Variants in TBCA observed in about 807,000 individuals in gnomAD.
TBCA encodes the protein tubulin folding cofactor A.
Under a neutral mutation model 15.8 loss-of-function variants are expected in TBCA, and 6 were observed. The ratio of observed to expected loss-of-function variants is 0.38; its 90% CI spans 0.21 to 0.75. The LOEUF (loss-of-function observed/expected upper bound fraction) is 0.75. Among genes scored for constraint, TBCA ranks in the 30% least tolerant of loss-of-function variants. The pLI, the probability that TBCA is intolerant of heterozygous loss-of-function variation, is 0.46. For synonymous variants in TBCA, 32 were observed against 42.3 expected, an observed-to-expected ratio of 0.76 and a Z score of 0.94; for missense variants, 90 against 131.2, an observed-to-expected ratio of 0.69 and a Z score of 1.53.
intron 1 of TBCA, among the ~76,000 whole-genome samples, chr5:77,718,104 T>G (rs1746444952): frequency 6.6e-6 from 1 of 152,186 alleles, no homozygotes. Flanking sequence ...CACTCCAGCC[T>G]GGGCAACAAG....
At chr5:77,749,764 T>C (rs1747273796) in intron 1 of TBCA, among the ~76,000 whole-genome samples, 1 of 152,114 alleles carries the variant, frequency 6.6e-6, no homozygotes, top group Non-Finnish European at 1.5e-5. Flanking sequence ...AACAAGGAAA[T>C]TCACAGTAGC....
At chr5:77,738,964 T>C (rs1746971892) in intron 1 of TBCA, among the ~76,000 whole-genome samples, 1 of 152,190 alleles carries the variant, frequency 6.6e-6, no homozygotes, top group Non-Finnish European at 1.5e-5. Flanking sequence ...CCATGACTCA[T>C]GAAATCAACC....
chr5:77,772,573 TA>T (rs377450713), intron 1 of TBCA, among the ~76,000 whole-genome samples: 124 of 151,904 alleles, frequency 8.2e-4, no homozygotes, highest in African/African-American at 2.9e-3. Flanking sequence ...CAAGAGACAA[TA>T]GGGGACAATA....
At chr5:77,750,680 A>G (rs1357473387) in intron 1 of TBCA, among the ~76,000 whole-genome samples, 1 of 152,248 alleles carries the variant, frequency 6.6e-6, no homozygotes, top group Non-Finnish European at 1.5e-5. Context: ...TGAACTCAAA[A>G]TATCAGAGAC....
intron 2 of TBCA, among the ~76,000 whole-genome samples, chr5:77,698,736 C>T (rs1413501342): frequency 1.3e-5 from 2 of 152,072 alleles, no homozygotes; most frequent in Non-Finnish European, 2.9e-5. Context: ...AAAACGAAAA[C>T]TGCTTCAACA....
intron 1 of TBCA, among the ~76,000 whole-genome samples, chr5:77,717,290 C>A (rs1400843368): frequency 1.3e-5 from 2 of 152,214 alleles, no homozygotes; most frequent in Non-Finnish European, 2.9e-5. Context: ...TAGTCACTAA[C>A]AGCAGAAGAT....
At chr5:77,770,861 CA>C (rs1747891739) in intron 1 of TBCA, among the ~76,000 whole-genome samples, 1 of 152,208 alleles carries the variant, frequency 6.6e-6, no homozygotes, top group African/African-American at 2.4e-5. Flanking sequence ...TAGGGCCAGG[CA>C]TAGTGGCTCA....
At chr5:77,714,572 A>ATTTTTTT (rs761180601) in intron 1 of TBCA, among the ~76,000 whole-genome samples, 1 of 126,904 alleles carries the variant, frequency 7.9e-6, no homozygotes, top group African/African-American at 2.7e-5. Context: ...TATTATTATT[A>ATTTTTTT]TTATTTTTTT....
intron 1 of TBCA, 128 bp from the exon 2 acceptor site, chr5:77,708,475 G>C: frequency 1.8e-6 from 1 of 560,546 alleles, no homozygotes; most frequent in South Asian, 2.8e-5. Flanking sequence ...GGGGAGGAAG[G>C]AACAGAAGAA....
intron 1 of TBCA, among the ~76,000 whole-genome samples, chr5:77,736,938 A>T (rs1270500432): frequency 1.3e-5 from 2 of 152,238 alleles, no homozygotes; most frequent in African/African-American, 4.8e-5. Context: ...TTTAACATTC[A>T]GTAACTGAAA....
intron 1 of TBCA, among the ~76,000 whole-genome samples, chr5:77,759,842 A>G (rs1306900331): frequency 3.3e-5 from 5 of 152,256 alleles, no homozygotes; most frequent in Non-Finnish European, 1.5e-5. Flanking sequence ...CAATATACTT[A>G]TAAGTATGCA....
At chr5:77,742,460 G>A (rs1459541945) in intron 1 of TBCA, among the ~76,000 whole-genome samples, 2 of 152,034 alleles carry the variant, frequency 1.3e-5, no homozygotes, top group Non-Finnish European at 2.9e-5. Flanking sequence ...CTAACTGAAT[G>A]CTGTTTCATA....
intron 1 of TBCA, among the ~76,000 whole-genome samples, chr5:77,760,673 T>C (rs1306871621): frequency 6.6e-6 from 1 of 152,214 alleles, no homozygotes; most frequent in Non-Finnish European, 1.5e-5. Context: ...TCCGCCTGCC[T>C]CGGGCTCCCG....
At chr5:77,706,506 TAG>T (rs1266356558) in intron 2 of TBCA, among the ~76,000 whole-genome samples, 8 of 151,138 alleles carry the variant, frequency 5.3e-5, no homozygotes, top group Non-Finnish European at 7.4e-5. Context: ...GAGAGAAAAA[TAG>T]AGAGAGTAAG....
rs80018317 is a variant in TBCA at position 77,723,664 on chromosome 5, T to A, written c.54-15317A>T. Among the ~76,000 whole-genome samples the A allele has an allele frequency of 1.5e-4, 23 of 152,142 alleles. No individual in the cohort carries two copies. In the East Asian group the frequency reaches 4.4e-3, roughly 29 times the overall value. The stretch of plus-strand genomic sequence containing the variant: ...GTAGTCCATTGTATGAAATTTTATT[T>A]TCCAGGCACTGCAAGGTCCTTTAGT... On this transcript the variant is annotated intron_variant, in intron 1 of 3. Coordinates refer to ENST00000380377, the MANE Select transcript of TBCA (RefSeq NM_004607.3).
At chr5:77,711,238 G>A (rs1746271933) in intron 1 of TBCA, among the ~76,000 whole-genome samples, 1 of 152,152 alleles carries the variant, frequency 6.6e-6, no homozygotes, top group Non-Finnish European at 1.5e-5. Flanking sequence ...TATGTATCAT[G>A]TATGGCTGTT....
intron 1 of TBCA, among the ~76,000 whole-genome samples, chr5:77,733,199 T>A (rs1484336781): frequency 6.6e-6 from 1 of 152,146 alleles, no homozygotes; most frequent in Admixed American, 6.5e-5. Flanking sequence ...GAGAATCACT[T>A]GAACCCTGGA....
intron 1 of TBCA, among the ~76,000 whole-genome samples, chr5:77,745,962 T>C (rs1747175849): frequency 6.6e-6 from 1 of 152,240 alleles, no homozygotes; most frequent in Non-Finnish European, 1.5e-5. Flanking sequence ...AGCTTCTGTA[T>C]GCTTGCTGTT....
intron 1 of TBCA, among the ~76,000 whole-genome samples, chr5:77,765,813 A>G (rs1342724695): frequency 1.3e-5 from 2 of 149,350 alleles, no homozygotes; most frequent in African/African-American, 5.0e-5. Context: ...ACCATTACAT[A>G]TGTGTTCTAG....
Sources: gnomAD v4.1 joint callset for allele counts (sites outside exome capture counted in the v4.1 genomes callset) on GRCh38, gnomAD v4.1.1 for gene constraint, MANE v1.5 for transcripts, NCBI Gene and HGNC (gene_info 2026-07-23, HGNC 2026-07-21) for gene names.